The following CRTC3 variants were observed in gnomAD, a reference collection of about 807,000 sequenced individuals.
The protein encoded by CRTC3 is CREB-regulated transcription coactivator 3.
CRTC3 carries 26 observed loss-of-function variants against 74.5 expected under a neutral mutation model. The ratio of observed to expected loss-of-function variants is 0.35; its 90% CI spans 0.26 to 0.48. CRTC3 has a LOEUF of 0.48. Ranked by LOEUF, CRTC3 falls within the 20% of genes least tolerant of loss-of-function variation. The probability of loss-of-function intolerance (pLI) is 0.99; values close to 1 mark genes in which losing one functional copy is unlikely to be tolerated. For synonymous variants in CRTC3, 377 were observed against 325.8 expected (o/e 1.16, Z -1.69); for missense variants, 760 against 787.3 (o/e 0.97, Z 0.41).
chr15:90,533,053 C>A (rs1189073837), intron 1 of CRTC3, among the ~76,000 whole-genome samples: 2 of 127,406 alleles, frequency 1.6e-5, no homozygotes, highest in Non-Finnish European at 3.2e-5. Context: ...CCGCTGCACT[C>A]CAGCCTGGGC....
chr15:90,632,628 A>G (rs141991588), intron 11 of CRTC3, among the ~76,000 whole-genome samples: 3,825 of 152,242 alleles, frequency 0.025, 165 homozygotes, highest in African/African-American at 0.084. Context: ...ATTTTGAGAC[A>G]GAGTCTTGCT....
At chr15:90,560,381 G>A (rs1257131460) in intron 2 of CRTC3, among the ~76,000 whole-genome samples, 2 of 152,116 alleles carry the variant, frequency 1.3e-5, no homozygotes, top group African/African-American at 2.4e-5. Context: ...CCAGACTTTG[G>A]CCACATAATC....
At chr15:90,603,179 C>T (rs912816504) in intron 4 of CRTC3, among the ~76,000 whole-genome samples, 2 of 152,050 alleles carry the variant, frequency 1.3e-5, no homozygotes, top group East Asian at 1.9e-4. Flanking sequence ...CACGGTGGCT[C>T]ATGCCTGTAA....
chr15:90,606,343 C>T (rs1968219960), intron 5 of CRTC3, among the ~76,000 whole-genome samples: 2 of 152,102 alleles, frequency 1.3e-5, no homozygotes, highest in Admixed American at 1.3e-4. Flanking sequence ...AGGTGGATCA[C>T]CCGAGGTCGG....
At chr15:90,633,981 A>C (rs187678387) in intron 11 of CRTC3, among the ~76,000 whole-genome samples, 4 of 148,830 alleles carry the variant, frequency 2.7e-5, no homozygotes, top group Admixed American at 2.0e-4. Flanking sequence ...ATCATCTTTT[A>C]TCTCTCAGGT....
chr15:90,638,416 C>T (rs1969316159), intron 11 of CRTC3, 30 bp from the exon 12 acceptor site: 5 of 1,596,562 alleles, frequency 3.1e-6, no homozygotes, highest in Non-Finnish European at 3.4e-6. Context: ...CGCAGAAGCT[C>T]ATTAGTGGCT....
At chr15:90,540,177 GTAAAAAATAGACAAAGATTATCAC>G in intron 2 of CRTC3, 40 bp downstream of exon 2, 1 of 1,304,846 alleles carries the variant, frequency 7.7e-7, no homozygotes, top group South Asian at 1.2e-5. Context: ...TGAATGGAGT[GTAAAAAATAGACAAAGATTATCAC>G]TAAAAAGATG....
In CRTC3 at chr15:90,635,961, T is replaced by C. The variant is rs1055285856; in HGVS notation, c.1267-2485T>C. 2.0e-5 allele frequency among the ~76,000 whole-genome samples: 3 copies of C among 151,740 alleles called. No individual in the cohort carries two copies. In the East Asian group the frequency reaches 5.8e-4, roughly 29 times the overall value. On this transcript the variant is annotated intron_variant, in intron 11 of 14. Transcript: ENST00000268184. ...GCTCATGGGTAGGAAGAATCAATAT[T>C]GTGAAAATGGCCATACTGCCCAAGG...
At chr15:90,606,465 G>A (rs1968223722) in intron 5 of CRTC3, among the ~76,000 whole-genome samples, 1 of 152,014 alleles carries the variant, frequency 6.6e-6, no homozygotes, top group African/African-American at 2.4e-5. Flanking sequence ...GGGAGGCTGA[G>A]GGAGAAGAAT....
At chr15:90,637,558 T>C (rs1969285895) in intron 11 of CRTC3, among the ~76,000 whole-genome samples, 2 of 152,078 alleles carry the variant, frequency 1.3e-5, no homozygotes, top group Non-Finnish European at 2.9e-5. Flanking sequence ...AAATAAAATA[T>C]TAAAGAAAAA....
intron 3 of CRTC3, chr15:90,599,328 C>T (rs1294342151): frequency 6.6e-6 from 1 of 152,180 alleles, no homozygotes; most frequent in East Asian, 1.9e-4. Flanking sequence ...CTGTGCTGCC[C>T]TTCCGCTGGC....
At chr15:90,555,889 G>T (rs1349072305) in intron 2 of CRTC3, among the ~76,000 whole-genome samples, 1 of 152,012 alleles carries the variant, frequency 6.6e-6, no homozygotes, top group East Asian at 1.9e-4. Context: ...TTTATAGCTT[G>T]TTCCTTAATT....
At chr15:90,598,817 AGG>A (rs1967996075) in intron 3 of CRTC3, 1 of 340,738 alleles carries the variant, frequency 2.9e-6, no homozygotes, top group African/African-American at 2.1e-5. Context: ...GGCCGAGGGA[AGG>A]ATGCGATTGG....
rs766839760 is a variant in CRTC3, at chr15:90,641,167, A to T, written c.1619A>T (p.Asn540Ile). Residue 540 changes from asparagine to isoleucine, a missense_variant, in exon 14 of 15, where the codon AAC becomes ATC. Asn to Ile is a moderately radical substitution (Grantham distance 149). Around this residue, in one of 2 missense-constraint regions of CRTC3, gnomAD observed 652 missense variants for 635.2 expected, o/e 1.03. Coordinates refer to ENST00000268184, the MANE Select transcript of CRTC3 (RefSeq NM_022769.5). Reference sequence around the variant, plus strand: ...CATTTGAGACCAAGCCCGTATTCCAACTGCGGGAGTCTCCCGAACACCATC... The same window carrying T: ...CATTTGAGACCAAGCCCGTATTCCATCTGCGGGAGTCTCCCGAACACCATC... ...SFHLRPSPYS[N>I]CGSLPNTILP... is the part of the protein sequence containing the mutation. 3.1e-6 allele frequency: 5 copies of T among 1,613,760 alleles called. No individual in the cohort carries two copies. The highest frequency in any genetic ancestry group is 3.4e-6 in the Non-Finnish European group (4 of 1,179,896).
chr15:90,638,092 A>T (rs1296772707), intron 11 of CRTC3: 4 of 247,696 alleles, frequency 1.6e-5, no homozygotes, highest in African/African-American at 9.1e-5. Context: ...TTTGGGGATG[A>T]CAGAGCTAAG....
At position 90,642,573 on chromosome 15, in the gene CRTC3, C is replaced by G. The variant is rs1301685637; in HGVS notation, c.*433C>G. The G allele has an allele frequency of 1.3e-5, 4 of 310,350 alleles. No homozygotes were observed. The highest frequency in any genetic ancestry group is 2.1e-5 in the African/African-American group (1 of 47,266). The allele number at this position is 310,350 out of a possible 1,614,324, so 19.2% of individuals were successfully genotyped here. A position where few individuals can be genotyped will look rare whatever the true frequency, so the allele number is the denominator to read the frequency against. ...GAGGCTCGGCCTGGGGCGGCGGCACCGGAGAGGGCACCTCGATGCCTGCTC... is the reference window on the plus strand; with the variant it reads ...GAGGCTCGGCCTGGGGCGGCGGCACGGGAGAGGGCACCTCGATGCCTGCTC... On this transcript the variant is annotated 3_prime_UTR_variant, in exon 15 of 15. Coordinates refer to ENST00000268184, the MANE Select transcript of CRTC3 (RefSeq NM_022769.5).
chr15:90,628,606 C>A (rs1328427769), intron 10 of CRTC3, among the ~76,000 whole-genome samples: 1 of 152,194 alleles, frequency 6.6e-6, no homozygotes, highest in Non-Finnish European at 1.5e-5. Context: ...TCACCCCTGT[C>A]CCCCAAATAA....
In CRTC3 at chr15:90,642,710, G is replaced by A. The variant is rs780917075; in HGVS notation, c.*570G>A. 4.3e-5 allele frequency: 10 copies of A among 232,288 alleles called. No individual in the cohort carries two copies. Among genetic ancestry groups the A allele is most frequent in the East Asian group, 6.1e-5 (1 of 16,294 alleles). 14.4% of individuals were successfully genotyped at this position (232,288 alleles called of 1,614,324 possible). A position where few individuals can be genotyped will look rare whatever the true frequency, so the allele number is the denominator to read the frequency against. On this transcript the variant is annotated 3_prime_UTR_variant, in exon 15 of 15. Coordinates refer to ENST00000268184, the MANE Select transcript of CRTC3 (RefSeq NM_022769.5). ...GACATGAAGTTTTTACCACAAGCCC[G>A]AGGGCAGGCTTGAGTTAGGCAGACT...
chr15:90,571,797 C>T (rs924206421), intron 2 of CRTC3, among the ~76,000 whole-genome samples: 9 of 151,980 alleles, frequency 5.9e-5, no homozygotes, highest in African/African-American at 1.9e-4. Context: ...TATATGCAAG[C>T]GTGTGTGTGT....
Sources: allele counts gnomAD v4.1 joint callset (sites outside exome capture counted in the v4.1 genomes callset), GRCh38; gene constraint gnomAD v4.1.1; regional missense constraint gnomAD v4.1.1; transcripts MANE v1.5; gene names NCBI Gene and HGNC (gene_info 2026-07-23, HGNC 2026-07-21).